Variants in KLHL29 observed in about 807,000 individuals in gnomAD.
KLHL29 encodes the protein kelch like family member 29.
In KLHL29, 21 loss-of-function variants were observed where a neutral mutation model predicts 80.4. That is an observed-to-expected ratio of 0.26 (90% CI 0.19 to 0.38). The LOEUF is 0.38. Ranked by LOEUF, KLHL29 falls within the 10% of genes least tolerant of loss-of-function variation. The pLI is 1.00. For missense variants in KLHL29, 867 were observed against 1,223.9 expected (o/e 0.71, Z 4.35); for synonymous variants, 511 against 526.8 (o/e 0.97, Z 0.41).
At chr2:23,432,260 A>C (rs543977791) in intron 1 of KLHL29, among the ~76,000 whole-genome samples, 2 of 152,370 alleles carry the variant, frequency 1.3e-5, no homozygotes, top group South Asian at 4.1e-4. Context: ...AATAGTATTT[A>C]ATAATTAATA....
intron 1 of KLHL29, among the ~76,000 whole-genome samples, chr2:23,394,228 C>T (rs1019205926): frequency 9.9e-5 from 15 of 152,234 alleles, no homozygotes; most frequent in African/African-American, 3.6e-4. Context: ...TCACTTTTCA[C>T]GTCTTCCAGC....
chr2:23,477,442 A>G (rs1664668858), intron 2 of KLHL29, among the ~76,000 whole-genome samples: 1 of 152,264 alleles, frequency 6.6e-6, no homozygotes, highest in Admixed American at 6.5e-5. Flanking sequence ...GGTTGTCAGC[A>G]GGAAGCGGGA....
At chr2:23,507,100 G>T in intron 2 of KLHL29, 1 of 451,030 alleles carries the variant, frequency 2.2e-6, no homozygotes. Context: ...CATTTCCTCA[G>T]GCTCAACATC....
intron 1 of KLHL29, among the ~76,000 whole-genome samples, chr2:23,404,602 T>C (rs1466259656): frequency 6.6e-6 from 1 of 152,180 alleles, no homozygotes; most frequent in Non-Finnish European, 1.5e-5. Context: ...GTAAAAACGA[T>C]TTGTTTTCTA....
chr2:23,534,499 G>A (rs1159843984), intron 2 of KLHL29, among the ~76,000 whole-genome samples: 5 of 151,548 alleles, frequency 3.3e-5, no homozygotes, highest in South Asian at 4.2e-4. Context: ...CCCCACCTCC[G>A]AGAAGCCTTC....
At chr2:23,499,596 A>G (rs2103453607) in intron 2 of KLHL29, among the ~76,000 whole-genome samples, 1 of 152,334 alleles carries the variant, frequency 6.6e-6, no homozygotes, top group East Asian at 1.9e-4. Context: ...AATGAGGCTA[A>G]GGAGAAAAGG....
intron 2 of KLHL29, among the ~76,000 whole-genome samples, chr2:23,502,786 C>T (rs981025600): frequency 2.0e-5 from 3 of 152,104 alleles, no homozygotes; most frequent in South Asian, 2.1e-4. Context: ...GGTTCCCAAC[C>T]GCACCCTGCA....
Position 23,591,261 on chromosome 2 carries a change from T to C in KLHL29, c.285+28780T>C, listed in dbSNP as rs372619242. On this transcript the variant is annotated intron_variant, in intron 3 of 13. Transcript: ENST00000486442. Reference sequence around the variant, plus strand: ...AGAGGCCGGTGCCCTTGGGGCAATTTAGCTGTATCTCTCCGGCTGCCCTGC... The same window carrying C: ...AGAGGCCGGTGCCCTTGGGGCAATTCAGCTGTATCTCTCCGGCTGCCCTGC... 1.4e-4 allele frequency among the ~76,000 whole-genome samples: 22 copies of C among 152,248 alleles called. No individual in the cohort carries two copies. The East Asian group carries it at 2.9e-3, about 20-fold the overall frequency.
At chr2:23,662,610 C>A (rs1357770742) in intron 5 of KLHL29, among the ~76,000 whole-genome samples, 1 of 152,142 alleles carries the variant, frequency 6.6e-6, no homozygotes, top group African/African-American at 2.4e-5. Context: ...GGCCCCCTTA[C>A]CACCTGAGGA....
chr2:23,592,810 G>T (rs187636025), intron 3 of KLHL29, among the ~76,000 whole-genome samples: 1 of 152,214 alleles, frequency 6.6e-6, no homozygotes, highest in African/African-American at 2.4e-5. Context: ...CCCCAAAGGG[G>T]AATGGAAGTC....
At chr2:23,547,323 T>G (rs1364707446) in intron 2 of KLHL29, among the ~76,000 whole-genome samples, 1 of 152,138 alleles carries the variant, frequency 6.6e-6, no homozygotes, top group Non-Finnish European at 1.5e-5. Flanking sequence ...GGGGAGAGGC[T>G]GTGGACCAGA....
intron 1 of KLHL29, among the ~76,000 whole-genome samples, chr2:23,447,367 TC>T (rs1663727265): frequency 6.6e-6 from 1 of 152,222 alleles, no homozygotes; most frequent in South Asian, 2.1e-4. Flanking sequence ...ACTGCTTTGT[TC>T]CCTTTAGGCC....
At chr2:23,498,194 G>A (rs1015350679) in intron 2 of KLHL29, among the ~76,000 whole-genome samples, 1 of 152,076 alleles carries the variant, frequency 6.6e-6, no homozygotes, top group Admixed American at 6.5e-5. Context: ...TATTGGGCAG[G>A]GTAGGTTTGT....
intron 1 of KLHL29, among the ~76,000 whole-genome samples, chr2:23,408,301 A>AAAAAAAAAAAAT (rs1666781340): frequency 1.0e-5 from 1 of 97,296 alleles, no homozygotes; most frequent in African/African-American, 3.9e-5. Flanking sequence ...AAAAAAAAAA[A>AAAAAAAAAAAAT]TTGAGTTTTT....
Position 23,696,703 on chromosome 2 carries a change from G to T in KLHL29, c.2105+190G>T. 2 of 543,134 alleles carry T rather than the reference G, an allele frequency of 3.7e-6. No homozygotes were observed. The highest frequency in any genetic ancestry group is 6.4e-6 in the Non-Finnish European group (2 of 310,946). The allele number at this position is 543,134 out of a possible 1,614,324, so 33.6% of individuals were successfully genotyped here. A position where few individuals can be genotyped will look rare whatever the true frequency, so the allele number is the denominator to read the frequency against. On this transcript the variant is annotated intron_variant, in intron 11 of 13. Coordinates refer to ENST00000486442, the MANE Select transcript of KLHL29 (RefSeq NM_052920.2). The surrounding 1 kb of genome is among the most constrained non-coding windows in gnomAD (Gnocchi z 5.5). ...GCAGGGTGTGGGATACAAGCAGATG[G>T]GATGACATCTGTGTCACCTTTGCAG...
intron 5 of KLHL29, among the ~76,000 whole-genome samples, chr2:23,656,120 G>A (rs1385259295): frequency 6.6e-6 from 1 of 152,230 alleles, no homozygotes; most frequent in Non-Finnish European, 1.5e-5. Flanking sequence ...CTGGACCCCA[G>A]CGCCTCTTGG....
intron 5 of KLHL29, among the ~76,000 whole-genome samples, chr2:23,659,846 C>T (rs531211513): frequency 4.6e-5 from 7 of 152,008 alleles, no homozygotes; most frequent in South Asian, 4.2e-4. Context: ...CCCTGGGTGG[C>T]GTGCTGCCTC....
intron 3 of KLHL29, among the ~76,000 whole-genome samples, chr2:23,631,920 C>A (rs1669478585): frequency 6.6e-6 from 1 of 152,198 alleles, no homozygotes; most frequent in African/African-American, 2.4e-5. Flanking sequence ...TCCCCACGCA[C>A]AGGCCCAAGA....
intron 1 of KLHL29, among the ~76,000 whole-genome samples, chr2:23,447,966 A>C (rs1024917100): frequency 4.6e-5 from 7 of 152,158 alleles, no homozygotes; most frequent in African/African-American, 1.7e-4. Flanking sequence ...GCCTGGAGGA[A>C]ATCAGAGGCT....
Sources: gnomAD v4.1 joint callset for allele counts (sites outside exome capture counted in the v4.1 genomes callset) on GRCh38, gnomAD v4.1.1 for gene constraint, Gnocchi (gnomAD v3.1) non-coding constraint, MANE v1.5 for transcripts, NCBI Gene and HGNC (gene_info 2026-07-23, HGNC 2026-07-21) for gene names.